LGR6: variants seen among roughly 807,000 people sequenced by gnomAD.
LGR6 encodes the protein leucine-rich repeat-containing G protein-coupled receptor 6.
Under a neutral mutation model 69.4 loss-of-function variants are expected in LGR6, and 45 were observed. The ratio of observed to expected loss-of-function variants is 0.65; its 90% CI spans 0.51 to 0.83. LGR6 has a LOEUF of 0.83. Ranked by LOEUF, LGR6 falls within the 40% of genes least tolerant of loss-of-function variation. The pLI, the probability that LGR6 is intolerant of heterozygous loss-of-function variation, is 0.00. For synonymous variants in LGR6, 538 were observed against 555.0 expected (o/e 0.97, Z 0.43); for missense variants, 1,108 against 1,246.7 (o/e 0.89, Z 1.68).
At chr1:202,311,014 C>A (rs1653682145) in intron 16 of LGR6, among the ~76,000 whole-genome samples, 1 of 151,938 alleles carries the variant, frequency 6.6e-6, no homozygotes. Flanking sequence ...ATGTTGGAGG[C>A]AGGCAGCCAA....
At chr1:202,289,330 T>C (rs951683586) in intron 6 of LGR6, among the ~76,000 whole-genome samples, 4 of 152,186 alleles carry the variant, frequency 2.6e-5, no homozygotes, top group Admixed American at 6.5e-5. Context: ...GGATCCCCAA[T>C]TGGGCCGGAA....
chr1:202,311,872 G>A (rs1653768452), intron 16 of LGR6, among the ~76,000 whole-genome samples: 1 of 151,960 alleles, frequency 6.6e-6, no homozygotes, highest in East Asian at 1.9e-4. Flanking sequence ...CAACCTGGGG[G>A]TCTCTGAGAG....
chr1:202,194,701 G>GGGC (rs1486199111), intron 1 of LGR6: 3,545 of 207,360 alleles, frequency 0.017, 143 homozygotes, highest in Admixed American at 0.035. Flanking sequence ...GGCCTTCGTG[G>GGGC]GGGCGGGGGG....
At chr1:202,317,345 T>G (rs1013003360) in intron 17 of LGR6, among the ~76,000 whole-genome samples, 4 of 151,856 alleles carry the variant, frequency 2.6e-5, no homozygotes, top group African/African-American at 7.3e-5. Flanking sequence ...TTTTGTTTTT[T>G]TTTTGTTTTT....
intron 1 of LGR6, among the ~76,000 whole-genome samples, chr1:202,216,520 A>G (rs1468516113): frequency 6.6e-6 from 1 of 152,230 alleles, no homozygotes; most frequent in Non-Finnish European, 1.5e-5. Flanking sequence ...TGGCTAGTGC[A>G]GCTAAGGAAC....
chr1:202,228,342 C>G (rs1178056987), intron 3 of LGR6, among the ~76,000 whole-genome samples: 1 of 152,208 alleles, frequency 6.6e-6, no homozygotes, highest in Non-Finnish European at 1.5e-5. Context: ...CCCATGACCT[C>G]TAGCCCAAGA....
Position 202,224,128 on chromosome 1 carries a change from G to A in LGR6, c.213-1295G>A, listed in dbSNP as rs182495204. On this transcript the variant is annotated intron_variant, in intron 1 of 17. Transcript: ENST00000367278. ...TGTGACCTCAGGGCCTTTTGACTTC[G>A]AAGCTCAGTGCTCCTTTCTCTCTGT... Among the ~76,000 whole-genome samples the A allele has an allele frequency of 2.5e-3, 375 of 152,082 alleles. 4 individuals are homozygous for A. Among genetic ancestry groups the A allele is most frequent in the Non-Finnish European group, 2.7e-3 (181 of 67,982 alleles).
chr1:202,276,292 C>A lies in LGR6; in HGVS notation c.429-14C>A. ...TGCCCTGGATTGACCCCTCTCCATC[C>A]TCTCTTCCACCAGGCGCCTAGATGC... is the stretch of plus-strand genomic sequence containing the variant. On this transcript the variant is annotated splice_polypyrimidine_tract_variant and intron_variant, in intron 4 of 17. Coordinates refer to ENST00000367278, the MANE Select transcript of LGR6 (RefSeq NM_001017403.2). 1 of 1,608,784 alleles carries A rather than the reference C, an allele frequency of 6.2e-7. No homozygotes were observed.
In LGR6 at chr1:202,276,259, C is replaced by T. The variant is rs1184064427; in HGVS notation, c.429-47C>T. On this transcript the variant is annotated intron_variant, in intron 4 of 17. Transcript: ENST00000367278. ...GCCCAGTCTAGCCCCAAAGCTTGGT[C>T]TGCATCTTGCCCTGGATTGACCCCT... The T allele has an allele frequency of 2.6e-6, 4 of 1,520,958 alleles. No individual in the cohort carries two copies. In the South Asian group the frequency reaches 4.7e-5, roughly 18 times the overall value. The allele number at this position is 1,520,958 out of a possible 1,614,324, so 94.2% of individuals were successfully genotyped here.
At chr1:202,243,907 G>A (rs1662416844) in intron 4 of LGR6, among the ~76,000 whole-genome samples, 3 of 151,964 alleles carry the variant, frequency 2.0e-5, no homozygotes, top group Admixed American at 2.0e-4. Flanking sequence ...GTCCTTGGGT[G>A]AAGGACTAAA....
chr1:202,227,422 A>G (rs1660641770), intron 2 of LGR6, among the ~76,000 whole-genome samples: 1 of 152,200 alleles, frequency 6.6e-6, no homozygotes, highest in South Asian at 2.1e-4. Flanking sequence ...TGTTAGATGA[A>G]TTACACCACC....
intron 4 of LGR6, among the ~76,000 whole-genome samples, chr1:202,253,951 A>T (rs809819): frequency 0.45 from 63,971 of 143,400 alleles, 15,434 homozygotes; most frequent in East Asian, 0.67. Flanking sequence ...GACTACAGGC[A>T]CCCGCCACTA....
At chr1:202,234,034 T>C (rs1661311916) in intron 3 of LGR6, among the ~76,000 whole-genome samples, 1 of 152,214 alleles carries the variant, frequency 6.6e-6, no homozygotes, top group African/African-American at 2.4e-5. Flanking sequence ...ATTCCAACCC[T>C]GAAGCAAAAC....
intron 4 of LGR6, among the ~76,000 whole-genome samples, chr1:202,259,610 C>A (rs1664056336): frequency 6.6e-6 from 1 of 152,166 alleles, no homozygotes; most frequent in Non-Finnish European, 1.5e-5. Flanking sequence ...TGTCTCACGT[C>A]TATCATGTTT....
At chr1:202,199,726 G>C (rs573483803) in intron 1 of LGR6, among the ~76,000 whole-genome samples, 3 of 152,166 alleles carry the variant, frequency 2.0e-5, no homozygotes, top group Non-Finnish European at 2.9e-5. Flanking sequence ...CTGGGCGCAG[G>C]CTTGAGTCTC....
chr1:202,204,430 A>C (rs201213822), intron 1 of LGR6, among the ~76,000 whole-genome samples: 6 of 60,758 alleles, frequency 9.9e-5, no homozygotes, highest in African/African-American at 2.5e-4. Context: ...CACACCTCCA[A>C]ACACACACAC....
intron 4 of LGR6, among the ~76,000 whole-genome samples, chr1:202,262,694 C>T (rs1277332464): frequency 2.0e-5 from 3 of 152,112 alleles, no homozygotes; most frequent in South Asian, 2.1e-4. Flanking sequence ...ATTCAGTTCT[C>T]GTTTCTATCT....
At chr1:202,281,875 TGA>T (rs1233806807) in intron 6 of LGR6, among the ~76,000 whole-genome samples, 3 of 151,986 alleles carry the variant, frequency 2.0e-5, no homozygotes, top group Non-Finnish European at 4.4e-5. Context: ...GAGAAAATGC[TGA>T]GTCAAGCTGT....
chr1:202,317,039 C>A (rs1204222434), intron 17 of LGR6, among the ~76,000 whole-genome samples: 1 of 152,206 alleles, frequency 6.6e-6, no homozygotes, highest in East Asian at 1.9e-4. Context: ...CTGTACCCCT[C>A]TCACAGAGCA....
Sources: gnomAD v4.1 joint callset for allele counts (sites outside exome capture counted in the v4.1 genomes callset) on GRCh38, gnomAD v4.1.1 for gene constraint, MANE v1.5 for transcripts, NCBI Gene and HGNC (gene_info 2026-07-23, HGNC 2026-07-21) for gene names.